The following PCDHGA2 variants were observed in gnomAD, a reference collection of about 807,000 sequenced individuals.
The protein encoded by PCDHGA2 is protocadherin gamma-A2.
A neutral mutation model predicts 59.2 loss-of-function variants in PCDHGA2; 40 were observed. The ratio of observed to expected loss-of-function variants is 0.68; its 90% CI spans 0.52 to 0.88. The LOEUF (loss-of-function observed/expected upper bound fraction) is 0.88. PCDHGA2 is among the 40% of genes least tolerant of loss of function. PCDHGA2 has a pLI of 0.00. For missense variants in PCDHGA2, 1,226 were observed against 1,204.0 expected, an observed-to-expected ratio of 1.02 and a Z score of -0.27; for synonymous variants, 560 against 526.0, an observed-to-expected ratio of 1.06 and a Z score of -0.89.
intron 1 of PCDHGA2, among the ~76,000 whole-genome samples, chr5:141,406,576 A>T (rs909778588): frequency 8.5e-5 from 13 of 152,222 alleles, no homozygotes; most frequent in Non-Finnish European, 8.8e-5. Context: ...CTAGTAAACC[A>T]ATTTTTTCCC....
In PCDHGA2 at chr5:141,465,057, A is replaced by T. The variant is rs1253395484; in HGVS notation, c.2425-29750A>T. 3.3e-5 allele frequency among the ~76,000 whole-genome samples: 5 copies of T among 151,646 alleles called. No homozygotes were observed. The East Asian group carries it at 9.6e-4, about 29-fold the overall frequency. ...ACAAATGACCCTATATATTTTTTTG[A>T]ATTGTCTGTTCATGTCTTATTTTCA... On this transcript the variant is annotated intron_variant, in intron 1 of 3. Coordinates refer to ENST00000394576, the MANE Select transcript of PCDHGA2 (RefSeq NM_018915.4).
chr5:141,352,689 G>T (rs889456769), intron 1 of PCDHGA2: 2 of 1,560,488 alleles, frequency 1.3e-6, no homozygotes, highest in African/African-American at 1.4e-5. Context: ...TGCAAATCTA[G>T]TTAAATTTTA....
intron 1 of PCDHGA2, among the ~76,000 whole-genome samples, chr5:141,382,133 T>A (rs1420684997): frequency 6.6e-6 from 1 of 152,068 alleles, no homozygotes; most frequent in Non-Finnish European, 1.5e-5. Context: ...TGGCCCCCCC[T>A]CTCATTTTTT....
rs1245731818 is a variant in PCDHGA2, at chr5:141,476,700, A to C, written c.2425-18107A>C. 1 of 1,614,096 alleles carries C rather than the reference A, an allele frequency of 6.2e-7. No homozygotes were observed. Among genetic ancestry groups the C allele is most frequent in the Non-Finnish European group, 8.5e-7 (1 of 1,180,016 alleles). On this transcript the variant is annotated intron_variant, in intron 1 of 3. Coordinates refer to ENST00000394576, the MANE Select transcript of PCDHGA2 (RefSeq NM_018915.4). This position sits in a 1 kb window ranked among gnomAD's most constrained non-coding sequence, Gnocchi z 7.6. Reference sequence around the variant, plus strand: ...CGGGAGGACAGCACCAAGTACGCGGAGCTGGTGTTGGAGCGCGCCCTGGAC... The same window carrying C: ...CGGGAGGACAGCACCAAGTACGCGGCGCTGGTGTTGGAGCGCGCCCTGGAC...
At position 141,486,408 on chromosome 5, in the gene PCDHGA2, C is replaced by G; in HGVS notation, c.2425-8399C>G. The G allele has an allele frequency of 1.2e-6, 2 of 1,614,156 alleles. No homozygotes were observed. The highest frequency in any genetic ancestry group is 1.7e-6 in the Non-Finnish European group (2 of 1,180,014). Reference sequence around the variant, plus strand: ...CAGTTCTCCCTGGTGACTGCTGGACCCTTGGATCGAGAGGCCAAATCTAGC... The same window carrying G: ...CAGTTCTCCCTGGTGACTGCTGGACGCTTGGATCGAGAGGCCAAATCTAGC... On this transcript the variant is annotated intron_variant, in intron 1 of 3. Transcript: ENST00000394576. This position sits in a 1 kb window ranked among gnomAD's most constrained non-coding sequence, Gnocchi z 5.0.
At chr5:141,457,107 A>G (rs2098908740) in intron 1 of PCDHGA2, among the ~76,000 whole-genome samples, 1 of 152,260 alleles carries the variant, frequency 6.6e-6, no homozygotes, top group African/African-American at 2.4e-5. Flanking sequence ...ATTAAGCAAA[A>G]TACGACAGCA....
At chr5:141,360,729 C>A in intron 1 of PCDHGA2, 1 of 1,614,004 alleles carries the variant, frequency 6.2e-7, no homozygotes, top group Non-Finnish European at 8.5e-7. Flanking sequence ...TTCTAAAACA[C>A]TCTCTGGACA....
chr5:141,374,243 C>A, intron 1 of PCDHGA2: 1 of 1,614,000 alleles, frequency 6.2e-7, no homozygotes, highest in Non-Finnish European at 8.5e-7. Flanking sequence ...GGATCTGGGA[C>A]TGGAGCCCCA....
At chr5:141,428,001 T>G (rs149531447) in intron 1 of PCDHGA2, 10 of 1,601,704 alleles carry the variant, frequency 6.2e-6, no homozygotes, top group Non-Finnish European at 8.5e-6. Flanking sequence ...CTCCGCACTC[T>G]TCGATATAGT....
rs751153896 is a variant in PCDHGA2, at chr5:141,477,514, T to C, written c.2425-17293T>C. On this transcript the variant is annotated intron_variant, in intron 1 of 3. Transcript: ENST00000394576. The surrounding 1 kb of genome is among the most constrained non-coding windows in gnomAD (Gnocchi z 4.9). ...CTCAATCTTCCTACGACGTTTACAT[T>C]GAAGAAAACAACCTCCCCGGGGCTC... is the stretch of plus-strand genomic sequence containing the variant. 2 of 1,614,114 alleles carry C rather than the reference T, an allele frequency of 1.2e-6. No individual in the cohort carries two copies. The highest frequency in any genetic ancestry group is 2.2e-5 in the East Asian group (1 of 44,878).
At chr5:141,375,450 C>T in intron 1 of PCDHGA2, 1 of 1,614,014 alleles carries the variant, frequency 6.2e-7, no homozygotes, top group Non-Finnish European at 8.5e-7. Flanking sequence ...CCCCATTCAT[C>T]CTACTCAGTC....
chr5:141,399,631 T>A lies in PCDHGA2; in HGVS notation c.2424+58236T>A, dbSNP rs1251761184. On this transcript the variant is annotated intron_variant, in intron 1 of 3. Transcript: ENST00000394576. ...GCCTCTGGCACTGGCCTCTTACGTGTCCATGAGCGCGCAAAGTGGGGTGGT... is the reference window on the plus strand; with the variant it reads ...GCCTCTGGCACTGGCCTCTTACGTGACCATGAGCGCGCAAAGTGGGGTGGT... 31 of 1,613,746 alleles carry A rather than the reference T, an allele frequency of 1.9e-5. No homozygotes were observed. The highest frequency in any genetic ancestry group is 2.4e-5 in the Non-Finnish European group (28 of 1,179,892).
intron 1 of PCDHGA2, among the ~76,000 whole-genome samples, chr5:141,492,409 C>A (rs1367119266): frequency 6.6e-6 from 1 of 152,230 alleles, no homozygotes; most frequent in Non-Finnish European, 1.5e-5. Flanking sequence ...TCCCCTCTGC[C>A]GCTCCCTCCG....
chr5:141,511,598 A>C lies in PCDHGA2; in HGVS notation c.*425A>C. ...GGTTGGGGTGTTGAAGTACCAAGTA[A>C]CCTACAAGCCTCCTAGTTCTGAAAA... On this transcript the variant is annotated 3_prime_UTR_variant, in exon 4 of 4. Transcript: ENST00000394576. 3.9e-6 allele frequency: 1 copy of C among 255,742 alleles called. No individual in the cohort carries two copies. The highest frequency in any genetic ancestry group is 7.8e-6 in the Non-Finnish European group (1 of 127,952). The allele number at this position is 255,742 out of a possible 1,614,324, so 15.8% of individuals were successfully genotyped here.
intron 1 of PCDHGA2, chr5:141,423,357 C>T: frequency 6.2e-7 from 1 of 1,614,214 alleles, no homozygotes; most frequent in Non-Finnish European, 8.5e-7. Context: ...TCTTTGTCAT[C>T]GTGCTGCTGG....
chr5:141,361,472 AC>A, intron 1 of PCDHGA2: 1 of 1,614,024 alleles, frequency 6.2e-7, no homozygotes, highest in Admixed American at 1.7e-5. Flanking sequence ...TCCGACGTCA[AC>A]GATAATGCCC....
chr5:141,451,739 G>A (rs1343538104), intron 1 of PCDHGA2, among the ~76,000 whole-genome samples: 1 of 152,082 alleles, frequency 6.6e-6, no homozygotes, highest in East Asian at 1.9e-4. Flanking sequence ...AAAATTAGCT[G>A]GTCTGGTGGT....
intron 2 of PCDHGA2, among the ~76,000 whole-genome samples, chr5:141,504,259 G>A (rs1325093588): frequency 6.6e-6 from 1 of 152,126 alleles, no homozygotes; most frequent in Non-Finnish European, 1.5e-5. Flanking sequence ...TTATGGTTTA[G>A]TATTTTTTTA....
At chr5:141,352,044 G>T in intron 1 of PCDHGA2, 1 of 1,608,010 alleles carries the variant, frequency 6.2e-7, no homozygotes, top group Non-Finnish European at 8.5e-7. Context: ...GCAGACTCAG[G>T]ACACAACGCT....
Sources: allele counts gnomAD v4.1 joint callset (sites outside exome capture counted in the v4.1 genomes callset), GRCh38; gene constraint gnomAD v4.1.1; non-coding constraint Gnocchi (gnomAD v3.1); transcripts MANE v1.5; gene names NCBI Gene and HGNC (gene_info 2026-07-23, HGNC 2026-07-21).